Variants in ANO2 observed in about 807,000 individuals in gnomAD.
ANO2 encodes the protein anoctamin-2.
ANO2 carries 101 observed loss-of-function variants against 124.2 expected under a neutral mutation model. The observed-to-expected ratio is 0.81, with a 90% CI of 0.69 to 0.96. The LOEUF (loss-of-function observed/expected upper bound fraction) is 0.96. ANO2 is among the 40% of genes least tolerant of loss of function. The pLI is 0.00. For missense variants in ANO2, 1,293 were observed against 1,274.5 expected (o/e 1.01, Z -0.22); for synonymous variants, 486 against 482.5 (o/e 1.01, Z -0.09).
At chr12:5,937,996 T>C (rs566657592) in intron 1 of ANO2, among the ~76,000 whole-genome samples, 17 of 152,190 alleles carry the variant, frequency 1.1e-4, no homozygotes, top group Non-Finnish European at 4.4e-5. Context: ...CCCAGTACCG[T>C]TCGACTTCTA....
chr12:5,917,519 A>G (rs1202165654), intron 3 of ANO2, among the ~76,000 whole-genome samples: 1 of 151,386 alleles, frequency 6.6e-6, no homozygotes, highest in Non-Finnish European at 1.5e-5. Context: ...TTTCATCTTC[A>G]TAATAACCCA....
intron 12 of ANO2, chr12:5,741,038 C>T (rs1041448002): frequency 4.6e-5 from 7 of 152,470 alleles, no homozygotes; most frequent in Non-Finnish European, 1.0e-4. Context: ...TCCTACTGCC[C>T]TATGTTCATG....
intron 3 of ANO2, chr12:5,881,775 A>C (rs1938518314): frequency 6.6e-6 from 1 of 152,244 alleles, no homozygotes; most frequent in Non-Finnish European, 1.5e-5. Context: ...TCCAATAGCC[A>C]TACAGTTCAG....
intron 4 of ANO2, among the ~76,000 whole-genome samples, chr12:5,837,314 T>C (rs1424390458): frequency 8.5e-6 from 1 of 117,340 alleles, no homozygotes; most frequent in Non-Finnish European, 1.7e-5. Flanking sequence ...TTTTTTTTTA[T>C]GATTCCTGCC....
intron 3 of ANO2, among the ~76,000 whole-genome samples, chr12:5,880,667 T>C (rs1480707367): frequency 2.0e-5 from 3 of 152,112 alleles, no homozygotes; most frequent in Non-Finnish European, 4.4e-5. Context: ...ATGGATCTTC[T>C]CAATTAATAG....
At chr12:5,898,935 G>A (rs976824133) in intron 3 of ANO2, among the ~76,000 whole-genome samples, 4 of 152,194 alleles carry the variant, frequency 2.6e-5, no homozygotes, top group African/African-American at 7.2e-5. Context: ...ATAAAGGAGA[G>A]GAGAATGAGA....
rs1565783489 is a variant in ANO2, at chr12:5,923,090, A to ATACACACACACC, written c.23-287_23-286insGGTGTGTGTGTA. On this transcript the variant is annotated intron_variant, in intron 1 of 24. Transcript: ENST00000682330. ...CACACACATGCACACATACACACAC[A>ATACACACACACC]CACGCACACACATACACACACATGC... is the stretch of plus-strand genomic sequence containing the variant. 1.8e-4 allele frequency among the ~76,000 whole-genome samples: 2 copies of ATACACACACACC among 10,844 alleles called. 1 individual carries two copies. The highest frequency in any genetic ancestry group is 2.3e-4 in the African/African-American group (2 of 8,574). The allele number at this position is 10,844 out of a possible 152,430, so 7.1% of individuals were successfully genotyped here. A position where few individuals can be genotyped will look rare whatever the true frequency, so the allele number is the denominator to read the frequency against.
chr12:5,608,087 T>C (rs939199479), intron 19 of ANO2, among the ~76,000 whole-genome samples: 2 of 152,052 alleles, frequency 1.3e-5, no homozygotes, highest in African/African-American at 4.8e-5. Context: ...TACAGATGTG[T>C]TGAAAACTAC....
intron 3 of ANO2, among the ~76,000 whole-genome samples, chr12:5,861,377 G>A (rs1431839903): frequency 4.1e-5 from 3 of 73,610 alleles, no homozygotes; most frequent in East Asian, 6.5e-3. Flanking sequence ...CCTCTCTCCC[G>A]CACTCCAGGC....
chr12:5,829,276 G>A (rs1954079662), intron 6 of ANO2, among the ~76,000 whole-genome samples: 1 of 152,092 alleles, frequency 6.6e-6, no homozygotes, highest in African/African-American at 2.4e-5. Context: ...CACAGTCGTG[G>A]GACCCAAGCC....
intron 17 of ANO2, among the ~76,000 whole-genome samples, chr12:5,613,480 C>G (rs1384874395): frequency 1.3e-5 from 2 of 152,150 alleles, no homozygotes; most frequent in African/African-American, 4.8e-5. Context: ...TGTCTCATTC[C>G]TCTTCTAAGT....
At chr12:5,830,373 C>G (rs1485966163) in intron 6 of ANO2, 62 bp downstream of exon 6, 1 of 1,546,448 alleles carries the variant, frequency 6.5e-7, no homozygotes, top group Non-Finnish European at 8.8e-7. Context: ...GAATGCCCTG[C>G]CAACTAGGAA....
chr12:5,578,543 C>T, intron 20 of ANO2, 25 bp from the exon 21 acceptor site: 1 of 1,604,700 alleles, frequency 6.2e-7, no homozygotes, highest in South Asian at 1.1e-5. Context: ...AGCATGAGGG[C>T]TTCAGCAGGA....
intron 19 of ANO2, among the ~76,000 whole-genome samples, chr12:5,611,528 G>C (rs1486319713): frequency 1.3e-5 from 2 of 152,038 alleles, no homozygotes; most frequent in Admixed American, 6.6e-5. Flanking sequence ...GTTATTCCTG[G>C]TTATGTAGCT....
At chr12:5,602,440 G>A (rs752640939) in intron 19 of ANO2, among the ~76,000 whole-genome samples, 4 of 148,634 alleles carry the variant, frequency 2.7e-5, no homozygotes, top group Middle Eastern at 3.4e-3. Flanking sequence ...TTTTAGTAAA[G>A]ACAGGGTTTC....
intron 3 of ANO2, among the ~76,000 whole-genome samples, chr12:5,920,064 GATGGATGGATGGATGGATGC>G (rs149214089): frequency 0.15 from 22,920 of 151,928 alleles, 1,961 homozygotes; most frequent in Middle Eastern, 0.21. Flanking sequence ...TGGATGGATG[GATGGATGGATGGATGGATGC>G]ATGCATGCAT....
chr12:5,734,717 G>A (rs751644514), intron 13 of ANO2, among the ~76,000 whole-genome samples: 13 of 150,870 alleles, frequency 8.6e-5, no homozygotes, highest in Non-Finnish European at 1.3e-4. Flanking sequence ...GCATGATCTC[G>A]GCTCACCGAA....
chr12:5,648,042 G>A (rs992659032), intron 14 of ANO2, among the ~76,000 whole-genome samples: 2 of 152,118 alleles, frequency 1.3e-5, no homozygotes, highest in Non-Finnish European at 2.9e-5. Flanking sequence ...AGCCTCACAC[G>A]GGGCTGAATT....
At chr12:5,740,084 G>A (rs1019096740) in intron 12 of ANO2, 54 of 420,906 alleles carry the variant, frequency 1.3e-4, no homozygotes, top group East Asian at 6.3e-4. Flanking sequence ...GGACCAGCAC[G>A]CCTTTCTCAG....
Sources: gnomAD v4.1 joint callset for allele counts (sites outside exome capture counted in the v4.1 genomes callset) on GRCh38, gnomAD v4.1.1 for gene constraint, MANE v1.5 for transcripts, NCBI Gene and HGNC (gene_info 2026-07-23, HGNC 2026-07-21) for gene names.